CSMD1: variants seen among roughly 807,000 people sequenced by gnomAD.
The protein encoded by CSMD1 is CUB and sushi domain-containing protein 1.
A neutral mutation model predicts 417.5 loss-of-function variants in CSMD1; 213 were observed. The observed-to-expected ratio is 0.51, with a 90% confidence interval of 0.46 to 0.57. The LOEUF is 0.57. Ranked by LOEUF, CSMD1 falls within the 20% of genes least tolerant of loss-of-function variation. CSMD1 has a pLI of 0.00. For synonymous variants in CSMD1, 2,862 were observed against 1,736.8 expected, an observed-to-expected ratio of 1.65 and a Z score of -16.11; for missense variants, 6,923 against 4,529.7, an observed-to-expected ratio of 1.53 and a Z score of -15.17.
intron 41 of CSMD1, among the ~76,000 whole-genome samples, chr8:3,141,059 G>A (rs1027334956): frequency 1.3e-5 from 2 of 152,270 alleles, no homozygotes; most frequent in Admixed American, 1.3e-4. Context: ...TGCACAATGG[G>A]ACTCTCTGTG....
intron 1 of CSMD1, among the ~76,000 whole-genome samples, chr8:4,711,489 T>C (rs939614637): frequency 6.6e-6 from 1 of 152,132 alleles, no homozygotes; most frequent in African/African-American, 2.4e-5. Context: ...GCAAAATTTA[T>C]TTTCAGAGAA....
At chr8:3,201,761 C>G (rs368793679) in intron 31 of CSMD1, 36 bp from the exon 32 acceptor site, 14 of 1,302,272 alleles carry the variant, frequency 1.1e-5, no homozygotes, top group Admixed American at 2.0e-5. Context: ...GCACAAGATG[C>G]TCTAAGAAAA....
rs893498936 is a variant in CSMD1 at position 3,220,473 on chromosome 8, G to C, written c.4485-1031C>G. ...CTACGCACACTCTAAGAGAAAGGCT[G>C]AGCTTGGTTAAGATGTCTAAGATCT... On this transcript the variant is annotated intron_variant, in intron 28 of 69. Transcript: ENST00000635120. Among the ~76,000 whole-genome samples the C allele has an allele frequency of 2.6e-5, 4 of 152,194 alleles. No homozygotes were observed. The East Asian group carries it at 5.8e-4, about 22-fold the overall frequency.
intron 1 of CSMD1, among the ~76,000 whole-genome samples, chr8:4,822,975 C>G (rs1799604862): frequency 6.6e-6 from 1 of 152,138 alleles, no homozygotes; most frequent in Admixed American, 6.6e-5. Context: ...CATCTAGCAA[C>G]CATTTGGGAA....
intron 3 of CSMD1, among the ~76,000 whole-genome samples, chr8:4,343,596 A>C (rs1279336370): frequency 6.6e-6 from 1 of 152,136 alleles, no homozygotes; most frequent in East Asian, 1.9e-4. Context: ...ATTTTTATCT[A>C]ATAGAAACTA....
At chr8:4,030,676 T>C (rs548330726) in intron 4 of CSMD1, among the ~76,000 whole-genome samples, 1 of 152,326 alleles carries the variant, frequency 6.6e-6, no homozygotes, top group African/African-American at 2.4e-5. Context: ...ACTTTTGGCT[T>C]CTTGTTACTT....
At chr8:3,888,695 C>A (rs898678960) in intron 5 of CSMD1, among the ~76,000 whole-genome samples, 1 of 152,152 alleles carries the variant, frequency 6.6e-6, no homozygotes, top group Admixed American at 6.5e-5. Context: ...GCTGCCGGGA[C>A]AGAGATGGTG....
intron 5 of CSMD1, among the ~76,000 whole-genome samples, chr8:3,771,573 C>G (rs77286236): frequency 0.11 from 17,062 of 152,006 alleles, 1,492 homozygotes; most frequent in African/African-American, 0.24. Context: ...GCCCTAGAGA[C>G]CTGGAGAGCC....
chr8:4,097,371 C>G (rs771496334), intron 3 of CSMD1, among the ~76,000 whole-genome samples: 60 of 152,184 alleles, frequency 3.9e-4, no homozygotes, highest in South Asian at 6.2e-4. Flanking sequence ...AGAATGCTTA[C>G]CACACACGGG....
chr8:4,414,718 T>A (rs1434473563), intron 3 of CSMD1, among the ~76,000 whole-genome samples: 1 of 152,208 alleles, frequency 6.6e-6, no homozygotes, highest in Non-Finnish European at 1.5e-5. Flanking sequence ...TATGAACTAC[T>A]AGAAAAAGTT....
chr8:3,964,189 C>A (rs1255490770), intron 5 of CSMD1, among the ~76,000 whole-genome samples: 2 of 152,092 alleles, frequency 1.3e-5, no homozygotes, highest in Non-Finnish European at 2.9e-5. Context: ...ACATTAAAGG[C>A]ATTTATTTTT....
chr8:4,851,353 C>T (rs987569729), intron 1 of CSMD1, among the ~76,000 whole-genome samples: 1 of 152,074 alleles, frequency 6.6e-6, no homozygotes, highest in South Asian at 2.1e-4. Flanking sequence ...TAAGCTCCTT[C>T]TTTCACTGGC....
In CSMD1 at chr8:3,086,667, G is replaced by C. The variant is rs920781264; in HGVS notation, c.7474+430C>G. On this transcript the variant is annotated intron_variant, in intron 49 of 69. Coordinates refer to ENST00000635120, the MANE Select transcript of CSMD1 (RefSeq NM_033225.6). ...GAAATACTGAAATCAACTTTAACAA[G>C]CTCTAGATTTAAATAACAAAACAAA... Among the ~76,000 whole-genome samples the C allele has an allele frequency of 7.5e-4, 114 of 152,200 alleles. 1 individual carries two copies. The highest frequency in any genetic ancestry group is 2.5e-3 in the African/African-American group (103 of 41,532).
At chr8:4,719,367 C>T (rs555652272) in intron 1 of CSMD1, among the ~76,000 whole-genome samples, 8 of 152,232 alleles carry the variant, frequency 5.3e-5, no homozygotes, top group African/African-American at 1.9e-4. Flanking sequence ...CTTGAGCCTG[C>T]TCATTCTCTT....
At chr8:4,985,386 A>C (rs1811124268) in intron 1 of CSMD1, among the ~76,000 whole-genome samples, 1 of 151,924 alleles carries the variant, frequency 6.6e-6, no homozygotes, top group Non-Finnish European at 1.5e-5. Context: ...TTTTTAAAAA[A>C]AAATGTGGTG....
chr8:3,945,446 T>A (rs948577702), intron 5 of CSMD1, among the ~76,000 whole-genome samples: 1 of 152,148 alleles, frequency 6.6e-6, no homozygotes, highest in Non-Finnish European at 1.5e-5. Flanking sequence ...ATAGTCTAAC[T>A]GCTAATCTTT....
At chr8:4,612,727 GTT>G in intron 2 of CSMD1, among the ~76,000 whole-genome samples, 1 of 152,276 alleles carries the variant, frequency 6.6e-6, no homozygotes, top group East Asian at 1.9e-4. Flanking sequence ...TGGTGGGTGT[GTT>G]TGTGTGTGCA....
At chr8:4,000,761 G>C (rs1433428566) in intron 4 of CSMD1, among the ~76,000 whole-genome samples, 1 of 151,582 alleles carries the variant, frequency 6.6e-6, no homozygotes, top group Non-Finnish European at 1.5e-5. Context: ...TTAATATTTA[G>C]ATTTTATTCT....
At chr8:4,050,204 G>C (rs899352919) in intron 3 of CSMD1, among the ~76,000 whole-genome samples, 3 of 152,046 alleles carry the variant, frequency 2.0e-5, no homozygotes, top group Non-Finnish European at 2.9e-5. Context: ...TGATCACTTG[G>C]CTAGGGTCGT....
Sources: gnomAD v4.1 joint callset for allele counts (sites outside exome capture counted in the v4.1 genomes callset) on GRCh38, gnomAD v4.1.1 for gene constraint, MANE v1.5 for transcripts, NCBI Gene and HGNC (gene_info 2026-07-23, HGNC 2026-07-21) for gene names.